ANP32B: variants seen among roughly 807,000 people sequenced by gnomAD.
The protein encoded by ANP32B is acidic leucine-rich nuclear phosphoprotein 32 family member B.
In ANP32B, 6 loss-of-function variants were observed where a neutral mutation model predicts 32.2. The ratio of observed to expected loss-of-function variants is 0.19; its 90% CI spans 0.10 to 0.37. ANP32B has a LOEUF of 0.37. Ranked by LOEUF, ANP32B falls within the 10% of genes least tolerant of loss-of-function variation. The probability of loss-of-function intolerance (pLI) is 1.00; values close to 1 mark genes in which losing one functional copy is unlikely to be tolerated. For missense variants in ANP32B, 204 were observed against 289.2 expected, an observed-to-expected ratio of 0.71 and a Z score of 2.14; for synonymous variants, 98 against 105.8, an observed-to-expected ratio of 0.93 and a Z score of 0.45.
rs1341838817 is a variant in ANP32B, at chr9:98,015,541, A to G, written c.*110A>G. On this transcript the variant is annotated 3_prime_UTR_variant, in exon 7 of 7. Coordinates refer to ENST00000339399, the MANE Select transcript of ANP32B (RefSeq NM_006401.3). ...AGGTAGCTGTGATACAAACCCCAGGACACCCACCCACCCAAAGAGCCAAAG... is the reference window on the plus strand; with the variant it reads ...AGGTAGCTGTGATACAAACCCCAGGGCACCCACCCACCCAAAGAGCCAAAG... 28 of 1,422,380 alleles carry G rather than the reference A, an allele frequency of 2.0e-5. No individual in the cohort carries two copies. Among genetic ancestry groups the G allele is most frequent in the African/African-American group, 2.9e-5 (2 of 68,598 alleles). 88.1% of individuals were successfully genotyped at this position (1,422,380 alleles called of 1,614,324 possible). A position where few individuals can be genotyped will look rare whatever the true frequency, so the allele number is the denominator to read the frequency against.
intron 1 of ANP32B, among the ~76,000 whole-genome samples, chr9:97,984,161 T>C (rs1465885105): frequency 6.7e-6 from 1 of 149,562 alleles, no homozygotes; most frequent in East Asian, 2.0e-4. Context: ...AGGAGGGGGC[T>C]TTTTTCTTTT....
chr9:97,999,170 A>T (rs1827951217), intron 3 of ANP32B, among the ~76,000 whole-genome samples: 1 of 152,190 alleles, frequency 6.6e-6, no homozygotes, highest in African/African-American at 2.4e-5. Context: ...CTCTCTAATT[A>T]GATGTATTTC....
intron 4 of ANP32B, among the ~76,000 whole-genome samples, chr9:98,005,915 C>T (rs540706535): frequency 6.6e-6 from 1 of 152,324 alleles, no homozygotes; most frequent in African/African-American, 2.4e-5. Flanking sequence ...AGTGAGGAAG[C>T]CTCATCTGTA....
chr9:98,009,282 A>G (rs1828140356), intron 4 of ANP32B, among the ~76,000 whole-genome samples: 1 of 152,250 alleles, frequency 6.6e-6, no homozygotes. Flanking sequence ...AATACTTTCT[A>G]CCCAAGATAT....
chr9:97,984,704 C>G (rs2131577837), intron 1 of ANP32B: 1 of 150,956 alleles, frequency 6.6e-6, no homozygotes, highest in Non-Finnish European at 1.5e-5. Flanking sequence ...TCTGTTTCCC[C>G]CCGCCCCGCC....
At chr9:97,984,553 G>A (rs554955416) in intron 1 of ANP32B, 2 of 143,936 alleles carry the variant, frequency 1.4e-5, no homozygotes, top group Non-Finnish European at 3.0e-5. Context: ...CACGCCAGCC[G>A]GGGCGCGCCA....
intron 1 of ANP32B, among the ~76,000 whole-genome samples, chr9:97,989,078 A>C (rs1472244392): frequency 1.3e-5 from 2 of 152,168 alleles, no homozygotes; most frequent in Admixed American, 1.3e-4. Flanking sequence ...GAAAGGAAAA[A>C]AAATGTTTCC....
At chr9:97,984,714 C>G (rs1003402244) in intron 1 of ANP32B, 5 of 150,818 alleles carry the variant, frequency 3.3e-5, no homozygotes, top group African/African-American at 1.2e-4. Flanking sequence ...CCCGCCCCGC[C>G]GGGGCTTGGC....
chr9:98,015,926 C>G lies in ANP32B; in HGVS notation c.*495C>G. Reference sequence around the variant, plus strand: ...TTTTTAAGAATTTAAGCGAAATAAACAGTTACTCTTTGGTAAAGCCTAGTT... The same window carrying G: ...TTTTTAAGAATTTAAGCGAAATAAAGAGTTACTCTTTGGTAAAGCCTAGTT... On this transcript the variant is annotated 3_prime_UTR_variant, in exon 7 of 7. Coordinates refer to ENST00000339399, the MANE Select transcript of ANP32B (RefSeq NM_006401.3). The G allele has an allele frequency of 1.0e-6, 1 of 981,880 alleles. No individual in the cohort carries two copies. The highest frequency in any genetic ancestry group is 1.2e-6 in the Non-Finnish European group (1 of 826,442). The allele number at this position is 981,880 out of a possible 1,614,324, so 60.8% of individuals were successfully genotyped here.
chr9:98,000,992 C>G lies in ANP32B; in HGVS notation c.327+2314C>G, dbSNP rs144294443. Among the ~76,000 whole-genome samples, 86 of 151,874 alleles carry G rather than the reference C, an allele frequency of 5.7e-4. No homozygotes were observed. The East Asian group carries it at 0.012, about 22-fold the overall frequency. ...CCCTTGGGACCTCTTCTTCTCTTTC[C>G]ACCTGTAAATTTATTTCATGCCCAA... On this transcript the variant is annotated intron_variant, in intron 3 of 6. Coordinates refer to ENST00000339399, the MANE Select transcript of ANP32B (RefSeq NM_006401.3).
intron 1 of ANP32B, among the ~76,000 whole-genome samples, chr9:97,985,794 A>G (rs748672185): frequency 3.3e-5 from 5 of 152,054 alleles, no homozygotes; most frequent in Non-Finnish European, 7.4e-5. Flanking sequence ...AAACACATGT[A>G]TATCTACAGG....
At position 98,011,368 on chromosome 9, in the gene ANP32B, C is replaced by T. The variant is rs147068709; in HGVS notation, c.615C>T (p.Asp205=). Residue 205 remains aspartate, a synonymous_variant, in exon 5 of 7, where the codon GAC becomes GAT. Coordinates refer to ENST00000339399, the MANE Select transcript of ANP32B (RefSeq NM_006401.3). ...ATGAAGATGTAGAAGGGGATGAGGA[C>T]GACGATGAAGTCAGTGAGGAGGTCA... ...DEDEDVEGDE[D]DDEVSEEEEE... 2.8e-5 allele frequency: 44 copies of T among 1,573,046 alleles called. No homozygotes were observed. The highest frequency in any genetic ancestry group is 3.6e-5 in the Non-Finnish European group (42 of 1,155,358).
At chr9:97,985,864 C>T (rs553488588) in intron 1 of ANP32B, among the ~76,000 whole-genome samples, 2 of 152,238 alleles carry the variant, frequency 1.3e-5, no homozygotes, top group Admixed American at 6.5e-5. Context: ...CTCTCTTGCC[C>T]AGGCTGGAGT....
At chr9:97,998,269 G>GT (rs1166922684) in intron 2 of ANP32B, among the ~76,000 whole-genome samples, 1 of 152,190 alleles carries the variant, frequency 6.6e-6, no homozygotes, top group Admixed American at 6.5e-5. Context: ...ATTCTAATTG[G>GT]TTTTGACCCA....
chr9:97,987,327 G>T (rs965656420), intron 1 of ANP32B, among the ~76,000 whole-genome samples: 2 of 152,282 alleles, frequency 1.3e-5, no homozygotes, highest in South Asian at 2.1e-4. Flanking sequence ...AAGGATAGGA[G>T]ATAGTTTGTA....
At chr9:97,988,204 G>A (rs1422379701) in intron 1 of ANP32B, among the ~76,000 whole-genome samples, 1 of 151,664 alleles carries the variant, frequency 6.6e-6, no homozygotes, top group Non-Finnish European at 1.5e-5. Context: ...CATTATTAAT[G>A]TCTGCATAGA....
At position 98,015,365 on chromosome 9, in the gene ANP32B, G is replaced by T. The variant is rs1196801497; in HGVS notation, c.690G>T (p.Glu230Asp). 1.3e-6 allele frequency: 2 copies of T among 1,551,066 alleles called. No individual in the cohort carries two copies. Among genetic ancestry groups the T allele is most frequent in the Non-Finnish European group, 1.7e-6 (2 of 1,146,800 alleles). ...EEDEDEDEDE[E>D]EEEGGKGEKR... Reference sequence around the variant, plus strand: ...AAGTCAATTTTTGTTACTGTACAGAGGAGGAAGAAGGTGGGAAAGGTGAAA... The same window carrying T: ...AAGTCAATTTTTGTTACTGTACAGATGAGGAAGAAGGTGGGAAAGGTGAAA... Residue 230 changes from glutamate (E) to aspartate (D), a missense_variant and splice_region_variant, in exon 7 of 7, where the codon GAG (glutamate) becomes GAT (aspartate). Glu to Asp is a conservative substitution (Grantham distance 45). Coordinates refer to ENST00000339399, the MANE Select transcript of ANP32B (RefSeq NM_006401.3).
intron 1 of ANP32B, among the ~76,000 whole-genome samples, chr9:97,989,622 T>C (rs1827791244): frequency 6.6e-6 from 1 of 152,194 alleles, no homozygotes; most frequent in Non-Finnish European, 1.5e-5. Context: ...TAGGGCCTTT[T>C]CTCCTTTGAT....
At chr9:97,999,357 T>G (rs1827954248) in intron 3 of ANP32B, among the ~76,000 whole-genome samples, 1 of 152,246 alleles carries the variant, frequency 6.6e-6, no homozygotes, top group South Asian at 2.1e-4. Context: ...TTTTACACTT[T>G]AACAGAAAAG....
Sources: allele counts gnomAD v4.1 joint callset (sites outside exome capture counted in the v4.1 genomes callset), GRCh38; gene constraint gnomAD v4.1.1; transcripts MANE v1.5; gene names NCBI Gene and HGNC (gene_info 2026-07-23, HGNC 2026-07-21).